DLG2: variants seen among roughly 807,000 people sequenced by gnomAD.
The protein encoded by DLG2 is discs large MAGUK scaffold protein 2, also known as disks large homolog 2.
In DLG2, 45 loss-of-function variants were observed where a neutral mutation model predicts 132.5. That is an observed-to-expected ratio of 0.34 (90% confidence interval 0.27 to 0.44). The LOEUF (loss-of-function observed/expected upper bound fraction) is 0.44, where lower values mean the gene tolerates loss of function less well. Ranked by LOEUF, DLG2 falls within the 20% of genes least tolerant of loss-of-function variation. The probability of loss-of-function intolerance (pLI) is 1.00; values close to 1 mark genes in which losing one functional copy is unlikely to be tolerated. For synonymous variants in DLG2, 424 were observed against 419.6 expected (o/e 1.01, Z -0.13); for missense variants, 1,045 against 1,196.9 (o/e 0.87, Z 1.87).
chr11:85,416,412 C>A (rs1259298557), intron 3 of DLG2, among the ~76,000 whole-genome samples: 1 of 152,082 alleles, frequency 6.6e-6, no homozygotes, highest in Non-Finnish European at 1.5e-5. Flanking sequence ...TTAGAATTGT[C>A]TTGGCTATAC....
intron 6 of DLG2, among the ~76,000 whole-genome samples, chr11:84,827,361 T>TA (rs562668234): frequency 3.4e-4 from 50 of 145,362 alleles, no homozygotes; most frequent in East Asian, 8.0e-4. Context: ...CTAGAAAAAC[T>TA]AAAAAAAAAA....
At chr11:84,252,841 C>G (rs577847857) in intron 7 of DLG2, among the ~76,000 whole-genome samples, 1 of 152,302 alleles carries the variant, frequency 6.6e-6, no homozygotes, top group East Asian at 1.9e-4. Context: ...GAGAACTCTT[C>G]TATACGACAT....
At chr11:85,517,219 T>A (rs1156369368) in intron 3 of DLG2, among the ~76,000 whole-genome samples, 1 of 151,768 alleles carries the variant, frequency 6.6e-6, no homozygotes, top group African/African-American at 2.4e-5. Flanking sequence ...TTCAGTAAAA[T>A]TCAACATCCT....
At position 85,068,015 on chromosome 11, in the gene DLG2, G is replaced by A. The variant is rs146347774; in HGVS notation, c.357+43646C>T. Among the ~76,000 whole-genome samples, 958 of 152,074 alleles carry A rather than the reference G, an allele frequency of 6.3e-3. 11 individuals carry two copies. The highest frequency in any genetic ancestry group is 0.022 in the African/African-American group (899 of 41,528). On this transcript the variant is annotated intron_variant, in intron 6 of 27. Coordinates refer to ENST00000376104, the MANE Select transcript of DLG2 (RefSeq NM_001142699.3). The stretch of plus-strand genomic sequence containing the variant: ...TTTCAACATATGCAAATCAATAAAC[G>A]TAACCCAGCATATAAACAGAACCAA...
At chr11:85,268,987 A>G (rs6592237) in intron 4 of DLG2, among the ~76,000 whole-genome samples, 4,099 of 152,310 alleles carry the variant, frequency 0.027, 177 homozygotes, top group African/African-American at 0.092. Context: ...AGAATGTGTC[A>G]TAATAGAAAT....
chr11:83,906,245 TCTCTCTCTCTCTCACACACACACACACA>T (rs1359466974), intron 15 of DLG2, among the ~76,000 whole-genome samples: 5 of 117,180 alleles, frequency 4.3e-5, no homozygotes, highest in South Asian at 3.0e-4. Context: ...TCTCTCTCTC[TCTCTCTCTCTCTCACACACACACACACA>T]CACACACACA....
intron 15 of DLG2, among the ~76,000 whole-genome samples, chr11:83,905,065 T>C (rs1164928827): frequency 6.6e-6 from 1 of 152,146 alleles, no homozygotes. Context: ...TATCATCCCA[T>C]GCATTTAGGA....
chr11:84,344,465 T>C (rs1408290120), intron 7 of DLG2, among the ~76,000 whole-genome samples: 1 of 152,202 alleles, frequency 6.6e-6, no homozygotes, highest in South Asian at 2.1e-4. Flanking sequence ...ACACCTCTTC[T>C]AATGGAAGAA....
At chr11:84,686,332 C>T (rs538033235) in intron 6 of DLG2, among the ~76,000 whole-genome samples, 19 of 152,180 alleles carry the variant, frequency 1.2e-4, no homozygotes, top group Non-Finnish European at 2.5e-4. Context: ...ACGCAACTTC[C>T]TTGTTAACAT....
intron 18 of DLG2, among the ~76,000 whole-genome samples, chr11:83,774,459 T>C (rs2094510856): frequency 6.6e-6 from 1 of 152,186 alleles, no homozygotes; most frequent in Admixed American, 6.5e-5. Flanking sequence ...ATTTTACAGA[T>C]AAAGAATGAG....
At chr11:84,901,755 C>G (rs1220007707) in intron 6 of DLG2, among the ~76,000 whole-genome samples, 1 of 151,964 alleles carries the variant, frequency 6.6e-6, no homozygotes, top group Non-Finnish European at 1.5e-5. Context: ...GATGAAGTAA[C>G]TGACATTCAT....
chr11:85,197,216 A>T (rs1430478153), intron 4 of DLG2, among the ~76,000 whole-genome samples: 4 of 152,212 alleles, frequency 2.6e-5, no homozygotes, highest in Admixed American at 2.0e-4. Flanking sequence ...ACATATTACT[A>T]AAATGATATG....
intron 6 of DLG2, among the ~76,000 whole-genome samples, chr11:84,675,457 G>A (rs1305887749): frequency 6.6e-6 from 1 of 151,994 alleles, no homozygotes; most frequent in African/African-American, 2.4e-5. Flanking sequence ...ATAAGATGAA[G>A]TATAAAATTT....
intron 6 of DLG2, among the ~76,000 whole-genome samples, chr11:84,549,567 C>A (rs1022147266): frequency 6.6e-6 from 1 of 152,150 alleles, no homozygotes; most frequent in Non-Finnish European, 1.5e-5. Flanking sequence ...CTGCACCAAC[C>A]AGCAGTGCGA....
chr11:84,719,643 CTCT>C (rs2061579514), intron 6 of DLG2, among the ~76,000 whole-genome samples: 1 of 152,156 alleles, frequency 6.6e-6, no homozygotes. Flanking sequence ...AACCTCATTT[CTCT>C]GGGAACACCA....
rs1446161007 is a variant in DLG2, at chr11:83,456,877, G to A, written c.*2941C>T. 6.6e-6 allele frequency: 1 copy of A among 152,364 alleles called. No homozygotes were observed. Among genetic ancestry groups the A allele is most frequent in the African/African-American group, 2.4e-5 (1 of 41,408 alleles). The allele number at this position is 152,364 out of a possible 1,614,324, so 9.4% of individuals were successfully genotyped here. On this transcript the variant is annotated 3_prime_UTR_variant, in exon 28 of 28. Coordinates refer to ENST00000376104, the MANE Select transcript of DLG2 (RefSeq NM_001142699.3). ...AGACAGAGCCAACCCAAGAATTTGG[G>A]GCTGGGAAAAAAGGCCTGCAAATAA... is the stretch of plus-strand genomic sequence containing the variant.
intron 6 of DLG2, among the ~76,000 whole-genome samples, chr11:84,906,535 C>A (rs138616044): frequency 5.1e-4 from 78 of 151,976 alleles, no homozygotes; most frequent in Non-Finnish European, 1.0e-3. Context: ...AATTAACTGA[C>A]AGCTTATTAA....
At chr11:84,472,598 C>T (rs2099111261) in intron 7 of DLG2, among the ~76,000 whole-genome samples, 1 of 151,898 alleles carries the variant, frequency 6.6e-6, no homozygotes, top group Non-Finnish European at 1.5e-5. Flanking sequence ...GAATTATTGG[C>T]AAAATGTATT....
rs373218587 is a variant in DLG2 at position 85,562,016 on chromosome 11, G to T, written c.40+36641C>A. The stretch of plus-strand genomic sequence containing the variant: ...AGTAAATTACTTATCTGCAGGTTGA[G>T]TTAGTGGCCAATATACTTAACCACA... On this transcript the variant is annotated intron_variant, in intron 3 of 27. Coordinates refer to ENST00000376104, the MANE Select transcript of DLG2 (RefSeq NM_001142699.3). Among the ~76,000 whole-genome samples the T allele has an allele frequency of 2.2e-4, 33 of 151,944 alleles. 1 individual carries two copies. Among genetic ancestry groups the T allele is most frequent in the African/African-American group, 7.0e-4 (29 of 41,528 alleles).
Sources: gnomAD v4.1 joint callset for allele counts (sites outside exome capture counted in the v4.1 genomes callset) on GRCh38, gnomAD v4.1.1 for gene constraint, MANE v1.5 for transcripts, NCBI Gene and HGNC (gene_info 2026-07-23, HGNC 2026-07-21) for gene names.